PTPRT: variants seen among roughly 807,000 people sequenced by gnomAD.
PTPRT encodes the protein receptor-type tyrosine-protein phosphatase T.
In PTPRT, 56 loss-of-function variants were observed where a neutral mutation model predicts 176.8. The ratio of observed to expected loss-of-function variants is 0.32; its 90% CI spans 0.26 to 0.40. The LOEUF (loss-of-function observed/expected upper bound fraction) is 0.40. PTPRT is among the 10% of genes least tolerant of loss of function. PTPRT has a pLI of 1.00. For missense variants in PTPRT, 1,540 were observed against 1,908.2 expected (o/e 0.81, Z 3.60); for synonymous variants, 783 against 739.0 (o/e 1.06, Z -0.96).
intron 1 of PTPRT, among the ~76,000 whole-genome samples, chr20:43,124,432 T>C (rs1227623451): frequency 6.6e-6 from 1 of 152,172 alleles, no homozygotes. Context: ...GCTTTGTCTC[T>C]TCTCGGGAGG....
chr20:42,650,243 C>G (rs2075005488), intron 7 of PTPRT, among the ~76,000 whole-genome samples: 1 of 152,174 alleles, frequency 6.6e-6, no homozygotes, highest in Non-Finnish European at 1.5e-5. Context: ...GACTTGAAAT[C>G]CAGGTTTTCC....
chr20:42,906,118 C>A (rs796661926), intron 1 of PTPRT, among the ~76,000 whole-genome samples: 1 of 152,086 alleles, frequency 6.6e-6, no homozygotes, highest in African/African-American at 2.4e-5. Flanking sequence ...CAGAAACACA[C>A]AAGCTGCTGG....
chr20:42,058,141 G>A, the PTPRT span, among the ~76,000 whole-genome samples: 1 of 152,170 alleles, frequency 6.6e-6, no homozygotes, highest in Non-Finnish European at 1.5e-5. Flanking sequence ...AGTGCATCAG[G>A]TACTAATGAG....
At chr20:42,251,706 C>A (rs77363327) in intron 13 of PTPRT, among the ~76,000 whole-genome samples, 1 of 139,582 alleles carries the variant, frequency 7.2e-6, no homozygotes, top group African/African-American at 2.7e-5. Context: ...GGGCAAGCAC[C>A]CTGTTGTACT....
intron 10 of PTPRT, 127 bp from the exon 11 acceptor site, chr20:42,350,857 TAAG>T: frequency 2.9e-6 from 2 of 696,226 alleles, no homozygotes; most frequent in South Asian, 3.7e-5. Flanking sequence ...AGGGGTTGGA[TAAG>T]AAGCCTTCCA....
At chr20:43,003,983 G>A (rs1482371637) in intron 1 of PTPRT, among the ~76,000 whole-genome samples, 5 of 152,072 alleles carry the variant, frequency 3.3e-5, no homozygotes, top group African/African-American at 1.2e-4. Flanking sequence ...TGTGACAATA[G>A]TTTATTGCTA....
intron 9 of PTPRT, among the ~76,000 whole-genome samples, chr20:42,409,481 C>CAAAAAAAAAAAAAAAAAA (rs58932390): frequency 3.6e-5 from 4 of 112,144 alleles, no homozygotes; most frequent in Non-Finnish European, 5.4e-5. Context: ...GACTCTGTCG[C>CAAAAAAAAAAAAAAAAAA]AAAAAAAAAA....
At chr20:42,681,895 G>A (rs546017552) in intron 6 of PTPRT, among the ~76,000 whole-genome samples, 1 of 152,272 alleles carries the variant, frequency 6.6e-6, no homozygotes, top group African/African-American at 2.4e-5. Flanking sequence ...ACAACAACAT[G>A]AGTAAATCTC....
At chr20:42,688,551 CTGTTTG>C (rs1423420067) in intron 6 of PTPRT, 2 of 152,208 alleles carry the variant, frequency 1.3e-5, no homozygotes, top group African/African-American at 4.8e-5. Flanking sequence ...TAAAAACCCT[CTGTTTG>C]AAATACCTGG....
Position 42,445,431 on chromosome 20 carries a change from G to A in PTPRT, c.1560+2789C>T, listed in dbSNP as rs111284480. 3.5e-3 allele frequency among the ~76,000 whole-genome samples: 533 copies of A among 152,312 alleles called. 3 individuals carry two copies. Among genetic ancestry groups the A allele is most frequent in the African/African-American group, 0.012 (487 of 41,562 alleles). On this transcript the variant is annotated intron_variant, in intron 9 of 30. Transcript: ENST00000373187. ...TGATGTACTCAAGGTCACAGAGCAA[G>A]TAAATGTCAGAGCTGGGATTCAGAT... is the stretch of plus-strand genomic sequence containing the variant.
intron 1 of PTPRT, among the ~76,000 whole-genome samples, chr20:43,111,749 C>T (rs552988161): frequency 6.6e-6 from 1 of 152,034 alleles, no homozygotes; most frequent in Non-Finnish European, 1.5e-5. Flanking sequence ...AAAATGGATC[C>T]TTAAAGAAAC....
chr20:43,185,690 T>C (rs999404097), intron 1 of PTPRT, among the ~76,000 whole-genome samples: 1 of 152,076 alleles, frequency 6.6e-6, no homozygotes, highest in Non-Finnish European at 1.5e-5. Flanking sequence ...TCCCAGCACT[T>C]TGGGAGGCCG....
chr20:43,016,457 G>A (rs991324971), intron 1 of PTPRT, among the ~76,000 whole-genome samples: 3 of 147,560 alleles, frequency 2.0e-5, no homozygotes, highest in Admixed American at 6.8e-5. Flanking sequence ...CTGCATCAGC[G>A]TCCCCTCCTT....
At chr20:43,146,225 G>A (rs1293954567) in intron 1 of PTPRT, among the ~76,000 whole-genome samples, 2 of 152,130 alleles carry the variant, frequency 1.3e-5, no homozygotes, top group Non-Finnish European at 2.9e-5. Flanking sequence ...GTATTGAATG[G>A]ATGACGCTGA....
intron 19 of PTPRT, among the ~76,000 whole-genome samples, chr20:42,124,038 T>C (rs559080302): frequency 6.6e-6 from 1 of 152,326 alleles, no homozygotes; most frequent in South Asian, 2.1e-4. Context: ...ACGCATGCTG[T>C]GTGCCTGTTC....
At chr20:42,603,894 C>T (rs2145798697) in intron 7 of PTPRT, among the ~76,000 whole-genome samples, 1 of 152,332 alleles carries the variant, frequency 6.6e-6, no homozygotes, top group South Asian at 2.1e-4. Context: ...GCATATCCAG[C>T]TCTTCTCAAC....
intron 2 of PTPRT, among the ~76,000 whole-genome samples, chr20:42,807,137 C>A (rs1214684695): frequency 6.6e-6 from 1 of 152,222 alleles, no homozygotes; most frequent in Non-Finnish European, 1.5e-5. Flanking sequence ...AAGTCCTCTT[C>A]ATGCTGTAAA....
chr20:42,570,506 T>A (rs879533546), intron 7 of PTPRT, among the ~76,000 whole-genome samples: 30 of 152,188 alleles, frequency 2.0e-4, no homozygotes, highest in Non-Finnish European at 3.8e-4. Flanking sequence ...CTTTATTGCT[T>A]AATTACCAAG....
intron 6 of PTPRT, among the ~76,000 whole-genome samples, chr20:42,745,286 T>C (rs934967897): frequency 4.5e-4 from 69 of 152,304 alleles, no homozygotes; most frequent in African/African-American, 1.5e-3. Context: ...TATCTTCCCA[T>C]CCAGTTTCTG....
Sources: allele counts gnomAD v4.1 joint callset (sites outside exome capture counted in the v4.1 genomes callset), GRCh38; gene constraint gnomAD v4.1.1; transcripts MANE v1.5; gene names NCBI Gene and HGNC (gene_info 2026-07-23, HGNC 2026-07-21).